The following CFAP65 variants were observed in gnomAD, a reference collection of about 807,000 sequenced individuals.
CFAP65 encodes cilia and flagella associated protein 65, also known as cilia- and flagella-associated protein 65.
CFAP65 carries 155 observed loss-of-function variants against 208.0 expected under a neutral mutation model. That is an observed-to-expected ratio of 0.75 (90% CI 0.65 to 0.85). CFAP65 has a LOEUF of 0.85. CFAP65 is among the 40% of genes least tolerant of loss of function. CFAP65 has a pLI of 0.00. For missense variants in CFAP65, 2,294 were observed against 2,451.3 expected, an observed-to-expected ratio of 0.94 and a Z score of 1.36; for synonymous variants, 970 against 986.3, an observed-to-expected ratio of 0.98 and a Z score of 0.31.
At chr2:219,024,715 T>C (rs191838563) in intron 14 of CFAP65, among the ~76,000 whole-genome samples, 147 of 152,178 alleles carry the variant, frequency 9.7e-4, no homozygotes, top group African/African-American at 3.4e-3. Flanking sequence ...GGCAGGTGGA[T>C]CACTTGTGGC....
At position 219,030,091 on chromosome 2, in the gene CFAP65, A is replaced by G; in HGVS notation, c.1279T>C (p.Phe427Leu). 6.2e-7 allele frequency: 1 copy of G among 1,614,084 alleles called. No homozygotes were observed. The highest frequency in any genetic ancestry group is 8.5e-7 in the Non-Finnish European group (1 of 1,179,986). Residue 427 changes from phenylalanine to leucine, a missense_variant, in exon 10 of 35, where the codon TTC becomes CTC. Around this residue, in one of 2 missense-constraint regions of CFAP65, gnomAD observed 867 missense variants for 1,012.6 expected, o/e 0.86. Coordinates refer to ENST00000341552, the MANE Select transcript of CFAP65 (RefSeq NM_194302.4). ...LPGEKKCVSVFFHPKTLDTRT... is the reference protein window; with the variant it reads ...LPGEKKCVSVLFHPKTLDTRT... ...GTGTCCAGAGTCTTGGGGTGGAAGA[A>G]CACCGACACACATTTCTTCTCTCCC...
chr2:219,004,256 G>C lies in CFAP65; in HGVS notation c.5251C>G (p.Pro1751Ala), dbSNP rs144952439. ...TTTCCCAACCCTGGATAGTGCTCTGGTCTGTCTTCCTTCGGCTGCTTGCCC... is the reference window on the plus strand; with the variant it reads ...TTTCCCAACCCTGGATAGTGCTCTGCTCTGTCTTCCTTCGGCTGCTTGCCC... Reference protein sequence around the residue: ...GKGKQPKEDRPEHYPGLGKKE... With the variant: ...GKGKQPKEDRAEHYPGLGKKE... The change falls in exon 33 of 35, where the codon CCA becomes GCA. Residue 1751 changes from proline (P) to alanine (A), a missense_variant. By Grantham distance (27) the Pro-to-Ala change is conservative. Around this residue, in one of 2 missense-constraint regions of CFAP65, gnomAD observed 1,427 missense variants for 1,438.7 expected, o/e 0.99. Transcript: ENST00000341552. The surrounding 1 kb of genome is among the most constrained non-coding windows in gnomAD (Gnocchi z 4.7). 9 of 1,613,524 alleles carry C rather than the reference G, an allele frequency of 5.6e-6. No homozygotes were observed. In the African/African-American group the frequency reaches 1.2e-4, roughly 22 times the overall value.
intron 32 of CFAP65, 38 bp downstream of exon 32, chr2:219,005,396 C>A (rs146720180): frequency 6.2e-7 from 1 of 1,612,042 alleles, no homozygotes; most frequent in Non-Finnish European, 8.5e-7. Context: ...TGGAGGGATG[C>A]GAAGGTGGCA....
Position 219,038,411 on chromosome 2 carries a change from A to G in CFAP65, c.321T>C (p.Ser107=). The change falls in exon 4 of 35, where the codon AGT becomes AGC. Residue 107 remains serine, a synonymous_variant. Coordinates refer to ENST00000341552, the MANE Select transcript of CFAP65 (RefSeq NM_194302.4). Reference sequence around the variant, plus strand: ...TGGTGCTGCAGGCACTCATGGCTGCACTGCTGTCGTTGATGGCAGGGATGG... The same window carrying G: ...TGGTGCTGCAGGCACTCATGGCTGCGCTGCTGTCGTTGATGGCAGGGATGG... ...TVAIPAINDS[S]AAMSACSTIS... is the part of the protein sequence containing the mutation. The G allele has an allele frequency of 6.2e-7, 1 of 1,613,520 alleles. No individual in the cohort carries two copies. The highest frequency in any genetic ancestry group is 8.5e-7 in the Non-Finnish European group (1 of 1,179,992).
Position 219,019,460 on chromosome 2 carries a change from A to C in CFAP65, c.3473+46T>G, listed in dbSNP as rs528434653. On this transcript the variant is annotated intron_variant, in intron 20 of 34. Transcript: ENST00000341552. Reference sequence around the variant, plus strand: ...CAGAAAGCTCCATGAACATCCCTAGATAGGCCCTGCCCCCAGCCCCCACCC... The same window carrying C: ...CAGAAAGCTCCATGAACATCCCTAGCTAGGCCCTGCCCCCAGCCCCCACCC... 1.2e-5 allele frequency: 18 copies of C among 1,506,110 alleles called. No homozygotes were observed. The East Asian group carries it at 3.5e-4, about 29-fold the overall frequency. 93.3% of individuals were successfully genotyped at this position (1,506,110 alleles called of 1,614,324 possible).
chr2:219,040,444 G>C, intron 2 of CFAP65, 75 bp downstream of exon 2: 1 of 831,314 alleles, frequency 1.2e-6, no homozygotes, highest in Non-Finnish European at 2.0e-6. Context: ...TCAGTCGTTC[G>C]TTCATTCACA....
intron 13 of CFAP65, 127 bp from the exon 14 acceptor site, chr2:219,026,286 C>T (rs1490576472): frequency 9.0e-6 from 9 of 1,003,598 alleles, no homozygotes; most frequent in Non-Finnish European, 1.3e-5. Context: ...GAGGGCCTCC[C>T]TGGGAAGACA....
Position 219,024,484 on chromosome 2 carries a change from G to A in CFAP65, c.2350-224C>T, listed in dbSNP as rs868818550. On this transcript the variant is annotated intron_variant, in intron 14 of 34. Coordinates refer to ENST00000341552, the MANE Select transcript of CFAP65 (RefSeq NM_194302.4). ...GACCTCCAGAAAGGGGCGGGGGGGG[G>A]GCAGGGGGGCGGGGGCACAGGCCCC... Among the ~76,000 whole-genome samples the A allele has an allele frequency of 3.1e-4, 40 of 127,376 alleles. 1 individual carries two copies. Among genetic ancestry groups the A allele is most frequent in the East Asian group, 2.7e-4 (1 of 3,686 alleles). 83.6% of individuals were successfully genotyped at this position (127,376 alleles called of 152,430 possible).
chr2:219,040,579 A>G lies in CFAP65; in HGVS notation c.-48-15T>C, dbSNP rs1002312027. On this transcript the variant is annotated splice_polypyrimidine_tract_variant and intron_variant, in intron 1 of 34. Transcript: ENST00000341552. ...AGAAATGTAAGCTGAGGAGACACAG[A>G]GAGAGTCCATTACTTTTCTGCCACG... 2 of 1,551,998 alleles carry G rather than the reference A, an allele frequency of 1.3e-6. No individual in the cohort carries two copies. Among genetic ancestry groups the G allele is most frequent in the African/African-American group, 2.7e-5 (2 of 73,064 alleles).
intron 5 of CFAP65, chr2:219,035,202 T>C (rs765530439): frequency 1.8e-5 from 16 of 909,492 alleles, no homozygotes; most frequent in Non-Finnish European, 2.4e-5. Context: ...ACTGGACACA[T>C]ATACACGAAT....
At position 219,010,132 on chromosome 2, in the gene CFAP65, G is replaced by A. The variant is rs1165509774; in HGVS notation, c.4309-47C>T. The stretch of plus-strand genomic sequence containing the variant: ...AAAGAAATAAGAACCGGCCAGGCAT[G>A]GTGGCTCACGCCTGTAATCCCAGCA... On this transcript the variant is annotated intron_variant, in intron 26 of 34. Coordinates refer to ENST00000341552, the MANE Select transcript of CFAP65 (RefSeq NM_194302.4). The A allele has an allele frequency of 3.3e-6, 5 of 1,530,318 alleles. No homozygotes were observed. The African/African-American group carries it at 5.5e-5, about 17-fold the overall frequency. 94.8% of individuals were successfully genotyped at this position (1,530,318 alleles called of 1,614,324 possible).
chr2:219,023,235 CT>C lies in CFAP65; in HGVS notation c.2791del (p.Arg931GlyfsTer3), dbSNP rs1947388554. The C allele has an allele frequency of 1.2e-6, 2 of 1,612,630 alleles. No homozygotes were observed. Among genetic ancestry groups the C allele is most frequent in the Non-Finnish European group, 1.7e-6 (2 of 1,179,930 alleles). ...TCTCTCGTTGGGCTGGATTAGCCCC[CT>C]GGAGGGCTGGACAGCCAGCAGCTTT... ...HRKLLAVQPSRGLIQPNERLT... is the reference protein window; with the variant it reads ...HRKLLAVQPSXGLIQPNERLT... On this transcript the variant is annotated frameshift_variant, in exon 16 of 35. Coordinates refer to ENST00000341552, the MANE Select transcript of CFAP65 (RefSeq NM_194302.4). LOFTEE classifies it high-confidence loss of function.
chr2:219,006,007 T>C lies in CFAP65; in HGVS notation c.4922+14A>G. 3 of 1,612,634 alleles carry C rather than the reference T, an allele frequency of 1.9e-6. No individual in the cohort carries two copies. The highest frequency in any genetic ancestry group is 2.5e-6 in the Non-Finnish European group (3 of 1,179,678). ...GAGAAGAGGAAGGTGACCCCTGCCT[T>C]CCCAAGAGCTTACCGGTGCAAAAAG... On this transcript the variant is annotated intron_variant, in intron 31 of 34. Coordinates refer to ENST00000341552, the MANE Select transcript of CFAP65 (RefSeq NM_194302.4).
Position 219,038,967 on chromosome 2 carries a change from G to A in CFAP65, c.82C>T (p.Pro28Ser). ...CCTCTTAGGAGAAGAGGAATAAGGG[G>A]GAAAGAAGAGGCAAATGAGACTGAT... is the stretch of plus-strand genomic sequence containing the variant. ...NPSVSFASSFPLIPLLLRGKS... is the reference protein window; with the variant it reads ...NPSVSFASSFSLIPLLLRGKS... The change falls in exon 3 of 35, where the codon CCC becomes TCC. Residue 28 changes from proline to serine, a missense_variant. By Grantham distance (74) the Pro-to-Ser change is moderately conservative (BLOSUM62 -1). Transcript: ENST00000341552. The A allele has an allele frequency of 6.2e-7, 1 of 1,613,912 alleles. No individual in the cohort carries two copies. Among genetic ancestry groups the A allele is most frequent in the Non-Finnish European group, 8.5e-7 (1 of 1,179,888 alleles).
chr2:219,005,329 T>C, intron 32 of CFAP65, 105 bp downstream of exon 32: 1 of 1,480,464 alleles, frequency 6.8e-7, no homozygotes, highest in Non-Finnish European at 9.4e-7. Flanking sequence ...CCCCACCAAG[T>C]TCTATTTCTC....
In CFAP65 at chr2:219,005,478, C is replaced by G; in HGVS notation, c.5007G>C (p.Lys1669Asn). 6.2e-7 allele frequency: 1 copy of G among 1,613,768 alleles called. No individual in the cohort carries two copies. Among genetic ancestry groups the G allele is most frequent in the Non-Finnish European group, 8.5e-7 (1 of 1,179,968 alleles). ...TGTCAACCAGGAGCTGCTTCTTCTG[C>G]TTGGAAACAGGGCCCCACTTGTTAG... ...KSPNKWGPVS[K>N]QKKQLLVDIL... is the part of the protein sequence containing the mutation. The change falls in exon 32 of 35, where the codon AAG becomes AAC. Residue 1669 changes from lysine to asparagine, a missense_variant. This residue lies in a region of CFAP65 where 1,427 missense variants were observed against 1,438.7 expected (regional missense o/e 0.99). Coordinates refer to ENST00000341552, the MANE Select transcript of CFAP65 (RefSeq NM_194302.4).
chr2:219,022,981 G>A (rs180730238), intron 16 of CFAP65, among the ~76,000 whole-genome samples: 1 of 152,156 alleles, frequency 6.6e-6, no homozygotes, highest in African/African-American at 2.4e-5. Context: ...AGCCCTGCAC[G>A]GCCTAACTTA....
At chr2:219,010,119 A>G in intron 26 of CFAP65, 34 bp from the exon 27 acceptor site, 1 of 1,550,184 alleles carries the variant, frequency 6.5e-7, no homozygotes, top group Non-Finnish European at 8.7e-7. Flanking sequence ...AGAAATAAGA[A>G]CCGGCCAGGC....
At chr2:219,041,358 T>C in intron 1 of CFAP65, 130 bp downstream of exon 1, 1 of 893,448 alleles carries the variant, frequency 1.1e-6, no homozygotes, top group Non-Finnish European at 1.8e-6. Flanking sequence ...TGGGGCTCTC[T>C]GAAGGGCATG....
Sources: allele counts gnomAD v4.1 joint callset (sites outside exome capture counted in the v4.1 genomes callset), GRCh38; gene constraint gnomAD v4.1.1; regional missense constraint gnomAD v4.1.1; non-coding constraint Gnocchi (gnomAD v3.1); transcripts MANE v1.5; gene names NCBI Gene and HGNC (gene_info 2026-07-23, HGNC 2026-07-21).